DMD: variants seen among roughly 807,000 people sequenced by gnomAD.
DMD encodes the protein dystrophin, also known as mutant dystrophin.
Under a neutral mutation model 330.1 loss-of-function variants are expected in DMD, and 63 were observed. The observed-to-expected ratio is 0.19, with a 90% CI of 0.16 to 0.24. The LOEUF (loss-of-function observed/expected upper bound fraction) is 0.24. Among genes scored for constraint, DMD ranks in the 10% least tolerant of loss-of-function variants. DMD has a pLI of 1.00. For missense variants in DMD, 3,344 were observed against 2,684.1 expected (o/e 1.25, Z -5.43); for synonymous variants, 1,223 against 959.8 (o/e 1.27, Z -5.07).
At chrX:32,560,195 A>AAT (rs1556797151) in intron 16 of DMD, among the ~76,000 whole-genome samples, 1,169 of 108,189 alleles carry the variant, frequency 0.011, 11 homozygotes, top group Middle Eastern at 0.025. Flanking sequence ...TGAAAAAAAA[A>AAT]ATATATATAT....
intron 50 of DMD, among the ~76,000 whole-genome samples, chrX:31,813,146 G>A (rs1369705342): frequency 8.9e-6 from 1 of 111,889 alleles, no homozygotes; most frequent in Non-Finnish European, 1.9e-5. Flanking sequence ...GCCAAAATGG[G>A]AAGAAAGCCT....
intron 44 of DMD, among the ~76,000 whole-genome samples, chrX:32,004,388 G>A (rs2095647483): frequency 9.0e-6 from 1 of 111,701 alleles, no homozygotes; most frequent in Non-Finnish European, 1.9e-5. Context: ...TATAATAACA[G>A]TATGTCTTTT....
At chrX:31,617,714 C>T (rs1026077138) in intron 55 of DMD, among the ~76,000 whole-genome samples, 1 of 110,922 alleles carries the variant, frequency 9.0e-6, no homozygotes, top group African/African-American at 3.3e-5. Context: ...CCAGCAATGC[C>T]ATTACTGGGT....
At chrX:31,348,353 C>A in intron 61 of DMD, 2 of 453,906 alleles carry the variant, frequency 4.4e-6, no homozygotes, top group Non-Finnish European at 3.9e-6. Context: ...TAGCTGAAGA[C>A]TGGACAAAAT....
intron 2 of DMD, among the ~76,000 whole-genome samples, chrX:32,913,441 C>T (rs758341879): frequency 1.9e-4 from 21 of 111,942 alleles, no homozygotes; most frequent in Non-Finnish European, 3.2e-4. Flanking sequence ...TAGGGCTTTT[C>T]GATACTACAA....
At chrX:31,264,208 A>C (rs1159312188) in intron 62 of DMD, among the ~76,000 whole-genome samples, 1 of 112,330 alleles carries the variant, frequency 8.9e-6, no homozygotes, top group Non-Finnish European at 1.9e-5. Flanking sequence ...CTCCATGAGA[A>C]GAGCCCACAT....
At chrX:32,355,469 T>A (rs376793143) in intron 37 of DMD, among the ~76,000 whole-genome samples, 9 of 111,573 alleles carry the variant, frequency 8.1e-5, no homozygotes, top group African/African-American at 2.9e-4. Flanking sequence ...ACAATCAAGA[T>A]TCACCAAATA....
intron 44 of DMD, among the ~76,000 whole-genome samples, chrX:32,194,386 T>C (rs1226027097): frequency 1.8e-5 from 2 of 112,267 alleles, no homozygotes; most frequent in Non-Finnish European, 3.8e-5. Context: ...GTAACCACTT[T>C]CTTAATTCTA....
chrX:32,567,847 C>A (rs2051917428), intron 15 of DMD, among the ~76,000 whole-genome samples: 1 of 111,915 alleles, frequency 8.9e-6, no homozygotes, highest in Non-Finnish European at 1.9e-5. Context: ...TATATTCCTC[C>A]AGTTATAGTG....
intron 41 of DMD, among the ~76,000 whole-genome samples, chrX:32,338,269 T>G (rs1340640964): frequency 9.0e-6 from 1 of 111,572 alleles, no homozygotes; most frequent in Non-Finnish European, 1.9e-5. Flanking sequence ...TAGACTTGTT[T>G]TTATTTTTTC....
intron 43 of DMD, among the ~76,000 whole-genome samples, chrX:32,218,314 T>C (rs2097120748): frequency 9.0e-6 from 1 of 111,515 alleles, no homozygotes; most frequent in African/African-American, 3.3e-5. Flanking sequence ...TGAAAAACAC[T>C]GCCGTAAAGT....
At position 32,803,455 on chromosome X, in the gene DMD, C is replaced by T. The variant is rs757954874; in HGVS notation, c.649+6038G>A. On this transcript the variant is annotated intron_variant, in intron 7 of 78. Transcript: ENST00000357033. The stretch of plus-strand genomic sequence containing the variant: ...TTTTTTTTTTAAGGGTTTTTCGTGT[C>T]TCTATCTCCTTCAGTTCTGCTCTTA... Among the ~76,000 whole-genome samples the T allele has an allele frequency of 3.4e-4, 37 of 107,263 alleles. 1 individual carries two copies. The highest frequency in any genetic ancestry group is 1.0e-3 in the African/African-American group (30 of 29,270). The allele number at this position is 107,263 out of a possible 115,157, so 93.1% of individuals were successfully genotyped here. A position where few individuals can be genotyped will look rare whatever the true frequency, so the allele number is the denominator to read the frequency against.
chrX:32,900,753 G>A (rs960304960), intron 2 of DMD, among the ~76,000 whole-genome samples: 1 of 111,422 alleles, frequency 9.0e-6, no homozygotes, highest in East Asian at 2.8e-4. Flanking sequence ...TGAAAAAAAA[G>A]GAATTTTCGT....
intron 30 of DMD, among the ~76,000 whole-genome samples, chrX:32,393,956 C>T (rs1213176790): frequency 9.0e-6 from 1 of 111,122 alleles, no homozygotes; most frequent in Non-Finnish European, 1.9e-5. Flanking sequence ...GAGCAGAAAT[C>T]GTATTTTCAA....
intron 50 of DMD, among the ~76,000 whole-genome samples, chrX:31,803,069 C>T (rs769253955): frequency 6.2e-5 from 7 of 112,100 alleles, no homozygotes; most frequent in Non-Finnish European, 1.3e-4. Flanking sequence ...CCCTTGCCCC[C>T]GGAAGGAATA....
chrX:32,098,425 G>C (rs1285580678), intron 44 of DMD, among the ~76,000 whole-genome samples: 2 of 111,652 alleles, frequency 1.8e-5, no homozygotes, highest in Non-Finnish European at 3.8e-5. Context: ...TTTTACACCA[G>C]GTACTATACT....
intron 56 of DMD, 84 bp from the exon 57 acceptor site, chrX:31,497,028 AAACC>A: frequency 3.7e-6 from 4 of 1,082,609 alleles, no homozygotes; most frequent in Non-Finnish European, 5.0e-6. Context: ...AAAGTACAAT[AAACC>A]TATTGTGAAC....
chrX:31,344,959 TTTTTC>T (rs2058012791), intron 61 of DMD, among the ~76,000 whole-genome samples: 1 of 111,967 alleles, frequency 8.9e-6, no homozygotes, highest in African/African-American at 3.2e-5. Flanking sequence ...TTATGGATAC[TTTTTC>T]TTTTCTTGTT....
intron 68 of DMD, among the ~76,000 whole-genome samples, chrX:31,180,831 C>T (rs1286272658): frequency 2.7e-5 from 3 of 111,913 alleles, no homozygotes; most frequent in East Asian, 2.8e-4. Context: ...CTTCCAGGAG[C>T]GACAGACTTA....
Sources: gnomAD v4.1 joint callset for allele counts (sites outside exome capture counted in the v4.1 genomes callset) on GRCh38, gnomAD v4.1.1 for gene constraint, MANE v1.5 for transcripts, NCBI Gene and HGNC (gene_info 2026-07-23, HGNC 2026-07-21) for gene names.